Variants in CNTNAP2 observed in about 807,000 individuals in gnomAD.
The protein encoded by CNTNAP2 is contactin-associated protein-like 2.
A neutral mutation model predicts 155.2 loss-of-function variants in CNTNAP2; 98 were observed. The observed-to-expected ratio is 0.63, with a 90% CI of 0.54 to 0.75. CNTNAP2 has a LOEUF of 0.75. CNTNAP2 is among the 30% of genes least tolerant of loss of function. CNTNAP2 has a pLI of 0.00. For missense variants in CNTNAP2, 1,727 were observed against 1,688.1 expected, an observed-to-expected ratio of 1.02 and a Z score of -0.40; for synonymous variants, 651 against 631.2, an observed-to-expected ratio of 1.03 and a Z score of -0.47.
intron 9 of CNTNAP2, among the ~76,000 whole-genome samples, chr7:147,395,068 G>C (rs139444074): frequency 1.3e-5 from 2 of 151,440 alleles, no homozygotes; most frequent in Non-Finnish European, 2.9e-5. Flanking sequence ...TTAAAAAAAG[G>C]CATCTATAAT....
intron 3 of CNTNAP2, among the ~76,000 whole-genome samples, chr7:146,931,957 C>G (rs1438257511): frequency 6.6e-6 from 1 of 151,788 alleles, no homozygotes; most frequent in Admixed American, 6.6e-5. Flanking sequence ...AGCTTACCAA[C>G]CAAAAAGAGT....
At chr7:147,696,710 A>G (rs1205335770) in intron 13 of CNTNAP2, among the ~76,000 whole-genome samples, 1 of 151,822 alleles carries the variant, frequency 6.6e-6, no homozygotes, top group Non-Finnish European at 1.5e-5. Flanking sequence ...AATTTCCTCT[A>G]TCTTTATTTG....
chr7:147,311,097 A>G (rs1275178701), intron 9 of CNTNAP2, among the ~76,000 whole-genome samples: 1 of 152,118 alleles, frequency 6.6e-6, no homozygotes, highest in African/African-American at 2.4e-5. Context: ...AAGGGCGGGG[A>G]GTTCTGGCTA....
intron 1 of CNTNAP2, among the ~76,000 whole-genome samples, chr7:146,127,552 G>A (rs546024359): frequency 4.5e-4 from 69 of 152,266 alleles, no homozygotes; most frequent in Admixed American, 2.4e-3. Context: ...TTGAAACCAT[G>A]CTGTGAAAGC....
At chr7:146,426,955 G>C in intron 1 of CNTNAP2, among the ~76,000 whole-genome samples, 1 of 151,862 alleles carries the variant, frequency 6.6e-6, no homozygotes, top group Non-Finnish European at 1.5e-5. Flanking sequence ...ATATCAAAAC[G>C]TCATGCTGTA....
rs573254145 is a variant in CNTNAP2, at chr7:148,351,035, A to G, written c.3476-32614A>G. On this transcript the variant is annotated intron_variant, in intron 21 of 23. Coordinates refer to ENST00000361727, the MANE Select transcript of CNTNAP2 (RefSeq NM_014141.6). The stretch of plus-strand genomic sequence containing the variant: ...GAGATACAAGCGAGCGAGAGAGGTC[A>G]GGCTGCTGCCTTCAGGGGGCTTCTT... 5.9e-5 allele frequency among the ~76,000 whole-genome samples: 9 copies of G among 152,362 alleles called. No individual in the cohort carries two copies. In the South Asian group the frequency reaches 1.9e-3, roughly 32 times the overall value.
intron 18 of CNTNAP2, among the ~76,000 whole-genome samples, chr7:148,185,109 T>A (rs1259363690): frequency 6.6e-6 from 1 of 152,212 alleles, no homozygotes; most frequent in Non-Finnish European, 1.5e-5. Context: ...ATTGTTGACA[T>A]TAGTGCTCGC....
chr7:146,852,938 G>C (rs1159255224), intron 3 of CNTNAP2, among the ~76,000 whole-genome samples: 1 of 152,150 alleles, frequency 6.6e-6, no homozygotes, highest in Non-Finnish European at 1.5e-5. Context: ...TCTCGTTTGT[G>C]TATTTTTCAG....
chr7:146,470,194 C>T (rs1238170722), intron 1 of CNTNAP2, among the ~76,000 whole-genome samples: 1 of 152,078 alleles, frequency 6.6e-6, no homozygotes, highest in East Asian at 1.9e-4. Context: ...TTTAATCACA[C>T]ATTTGTATTT....
chr7:147,615,438 A>G (rs1200103022), intron 12 of CNTNAP2, among the ~76,000 whole-genome samples: 1 of 88,882 alleles, frequency 1.1e-5, no homozygotes, highest in Non-Finnish European at 2.3e-5. Context: ...TGTCTCAAAA[A>G]AAACTGTTAA....
At chr7:147,161,366 T>A (rs1277506140) in intron 8 of CNTNAP2, among the ~76,000 whole-genome samples, 1 of 152,138 alleles carries the variant, frequency 6.6e-6, no homozygotes, top group East Asian at 1.9e-4. Flanking sequence ...AGCTGGCCTA[T>A]CTTTTGAGCA....
intron 3 of CNTNAP2, among the ~76,000 whole-genome samples, chr7:146,897,590 T>C (rs1173934033): frequency 2.0e-5 from 3 of 152,058 alleles, no homozygotes; most frequent in Admixed American, 6.6e-5. Context: ...CAGATTTTTT[T>C]TTTTTCTTGG....
At chr7:147,009,305 A>AATCAG (rs1798581713) in intron 3 of CNTNAP2, among the ~76,000 whole-genome samples, 1 of 152,164 alleles carries the variant, frequency 6.6e-6, no homozygotes, top group African/African-American at 2.4e-5. Context: ...CTGCTTATAA[A>AATCAG]ACATCAGATT....
rs56886106 is a variant in CNTNAP2 at position 146,380,784 on chromosome 7, C to CTTTTTTTT, written c.97+263837_97+263844dup. Among the ~76,000 whole-genome samples the CTTTTTTTT allele has an allele frequency of 2.0e-3, 76 of 38,818 alleles. 7 individuals carry two copies. The highest frequency in any genetic ancestry group is 6.0e-3 in the African/African-American group (76 of 12,768). 25.5% of individuals were successfully genotyped at this position (38,818 alleles called of 152,430 possible). ...ATATTTCTTGCTTCTTATGCACGTT[C>CTTTTTTTT]TTTTTTTTTTTTTTTTTTTTTTTTT... On this transcript the variant is annotated intron_variant, in intron 1 of 23. Coordinates refer to ENST00000361727, the MANE Select transcript of CNTNAP2 (RefSeq NM_014141.6).
intron 15 of CNTNAP2, among the ~76,000 whole-genome samples, chr7:148,071,252 G>A (rs945330689): frequency 2.0e-5 from 3 of 152,124 alleles, no homozygotes; most frequent in Non-Finnish European, 2.9e-5. Context: ...CGAGACGGGC[G>A]GATTGCCTGA....
intron 1 of CNTNAP2, among the ~76,000 whole-genome samples, chr7:146,500,920 T>G (rs1386210343): frequency 6.6e-6 from 1 of 152,194 alleles, no homozygotes; most frequent in Non-Finnish European, 1.5e-5. Context: ...TTGACTATAC[T>G]TATCATGAAA....
At chr7:147,111,888 T>A (rs953236334) in intron 5 of CNTNAP2, among the ~76,000 whole-genome samples, 16 of 152,192 alleles carry the variant, frequency 1.1e-4, no homozygotes, top group African/African-American at 3.4e-4. Flanking sequence ...ATAGTTTTTT[T>A]AAATTCTCTG....
intron 21 of CNTNAP2, among the ~76,000 whole-genome samples, chr7:148,356,229 A>G (rs1798512478): frequency 6.6e-6 from 1 of 152,228 alleles, no homozygotes; most frequent in South Asian, 2.1e-4. Context: ...AAAATATAAA[A>G]AAAAGACACA....
rs1374837793 is a variant in CNTNAP2, at chr7:147,281,886, A to G, written c.1349-18255A>G. Among the ~76,000 whole-genome samples the G allele has an allele frequency of 3.3e-5, 5 of 151,710 alleles. No homozygotes were observed. The South Asian group carries it at 6.2e-4, about 19-fold the overall frequency. On this transcript the variant is annotated intron_variant, in intron 8 of 23. Coordinates refer to ENST00000361727, the MANE Select transcript of CNTNAP2 (RefSeq NM_014141.6). ...TCTAGAGACCCTTCCCTTGACTATG[A>G]CCTGTGTGATCATCAGCAGGTAGCT... is the stretch of plus-strand genomic sequence containing the variant.
Sources: allele counts gnomAD v4.1 joint callset (sites outside exome capture counted in the v4.1 genomes callset), GRCh38; gene constraint gnomAD v4.1.1; transcripts MANE v1.5; gene names NCBI Gene and HGNC (gene_info 2026-07-23, HGNC 2026-07-21).